The following FANCD2 variants were observed in gnomAD, a reference collection of about 807,000 sequenced individuals.
FANCD2 encodes the protein FA complementation group D2, also known as Fanconi anemia group D2 protein.
FANCD2 carries 131 observed loss-of-function variants against 192.3 expected under a neutral mutation model. That is an observed-to-expected ratio of 0.68 (90% CI 0.59 to 0.79). The LOEUF (loss-of-function observed/expected upper bound fraction) is 0.79. Ranked by LOEUF, FANCD2 falls within the 30% of genes least tolerant of loss-of-function variation. FANCD2 has a pLI of 0.00. For missense variants in FANCD2, 1,508 were observed against 1,701.6 expected (o/e 0.89, Z 2.00); for synonymous variants, 524 against 612.5 (o/e 0.86, Z 2.13).
Position 10,064,777 on chromosome 3 carries a change from C to T in FANCD2, c.2070C>T (p.Asp690=). ...VKALYGLEEY[D]TQDGIAINLL... The stretch of plus-strand genomic sequence containing the variant: ...CACTGTACGGACTGGAAGAATACGA[C>T]ACTCAGGATGGGATTGCCATAAACC... Residue 690 remains aspartate, a synonymous_variant, in exon 23 of 44, where the codon GAC becomes GAT. Coordinates refer to ENST00000675286, the MANE Select transcript of FANCD2 (RefSeq NM_001018115.3). The T allele has an allele frequency of 6.2e-7, 1 of 1,614,074 alleles. No individual in the cohort carries two copies. The highest frequency in any genetic ancestry group is 8.5e-7 in the Non-Finnish European group (1 of 1,179,894).
chr3:10,092,070 G>A, intron 37 of FANCD2, 111 bp from the exon 38 acceptor site: 1 of 846,676 alleles, frequency 1.2e-6, no homozygotes, highest in South Asian at 1.3e-5. Context: ...AAGGATAATT[G>A]GCTTAAATAT....
intron 30 of FANCD2, among the ~76,000 whole-genome samples, chr3:10,080,039 C>T (rs1166603014): frequency 1.3e-5 from 2 of 149,930 alleles, no homozygotes; most frequent in African/African-American, 2.5e-5. Context: ...CTCAGCCTCC[C>T]GAGGAGCTGG....
At chr3:10,091,075 GTTTTT>G (rs935283956) in intron 37 of FANCD2, among the ~76,000 whole-genome samples, 2 of 151,488 alleles carry the variant, frequency 1.3e-5, no homozygotes, top group African/African-American at 4.8e-5. Flanking sequence ...GCCAGTATAT[GTTTTT>G]TCTTTTTTTT....
intron 28 of FANCD2, 119 bp from the exon 29 acceptor site, chr3:10,074,411 T>C: frequency 1.1e-6 from 1 of 906,756 alleles, no homozygotes; most frequent in Non-Finnish European, 1.7e-6. Flanking sequence ...GTTGTTATTA[T>C]AATGAAAATG....
chr3:10,092,305 T>A, intron 38 of FANCD2, 53 bp downstream of exon 38: 1 of 1,373,488 alleles, frequency 7.3e-7, no homozygotes, highest in South Asian at 1.2e-5. Context: ...AGAAACCAAG[T>A]GTCCTGGCTT....
rs780547790 is a variant in FANCD2, at chr3:10,042,639, C to T, written c.864C>T (p.Ser288=). ...LPVIIKFILH[S]VTAMDTLEVI... ...TGATAATAAAGTTCATTCTTCATTC[C>T]GTAACAGCCATGGATACACTTGAGG... The change falls in exon 11 of 44, where the codon TCC becomes TCT. Residue 288 remains serine (S), a synonymous_variant. Coordinates refer to ENST00000675286, the MANE Select transcript of FANCD2 (RefSeq NM_001018115.3). 6.5e-5 allele frequency: 105 copies of T among 1,613,520 alleles called. No individual in the cohort carries two copies. The East Asian group carries it at 8.9e-4, about 14-fold the overall frequency.
At position 10,042,808 on chromosome 3, in the gene FANCD2, A is replaced by G. The variant is rs147907301; in HGVS notation, c.888+145A>G. Reference sequence around the variant, plus strand: ...AGCTATTCAACAGATTCATTGATCTATATAAGCTGCTATAAGTTACATTTA... The same window carrying G: ...AGCTATTCAACAGATTCATTGATCTGTATAAGCTGCTATAAGTTACATTTA... On this transcript the variant is annotated intron_variant, in intron 11 of 43. Transcript: ENST00000675286. The G allele has an allele frequency of 4.9e-5, 39 of 800,980 alleles. No homozygotes were observed. The African/African-American group carries it at 4.9e-4, about 10-fold the overall frequency. The allele number at this position is 800,980 out of a possible 1,614,324, so 49.6% of individuals were successfully genotyped here.
chr3:10,099,227 A>G, intron 43 of FANCD2: 1 of 1,345,378 alleles, frequency 7.4e-7, no homozygotes, highest in Non-Finnish European at 9.6e-7. Flanking sequence ...AAGCCAAAGC[A>G]CAGAGTCAGA....
Position 10,067,190 on chromosome 3 carries a change from T to A in FANCD2, c.2386-19T>A, listed in dbSNP as rs781626176. 6.9e-7 allele frequency: 1 copy of A among 1,443,572 alleles called. No individual in the cohort carries two copies. The highest frequency in any genetic ancestry group is 9.7e-7 in the Non-Finnish European group (1 of 1,026,506). The allele number at this position is 1,443,572 out of a possible 1,614,324, so 89.4% of individuals were successfully genotyped here. ...ATCTGAACATTTGGAAGTATGAGAA[T>A]GTAATTTGTACTTTGCAGATTGTAA... On this transcript the variant is annotated intron_variant, in intron 25 of 43. Transcript: ENST00000675286.
At position 10,081,518 on chromosome 3, in the gene FANCD2, C is replaced by A. The variant is rs1693834365; in HGVS notation, c.3224+54C>A. On this transcript the variant is annotated intron_variant, in intron 32 of 43. Coordinates refer to ENST00000675286, the MANE Select transcript of FANCD2 (RefSeq NM_001018115.3). ...TGAGTATATACTTGCTTTTATTTGA[C>A]AGTCACCAAGGCACTGAAATGTAGA... 4 of 1,195,768 alleles carry A rather than the reference C, an allele frequency of 3.3e-6. No individual in the cohort carries two copies. The South Asian group carries it at 4.8e-5, about 14-fold the overall frequency. 74.1% of individuals were successfully genotyped at this position (1,195,768 alleles called of 1,614,324 possible).
Position 10,032,916 on chromosome 3 carries a change from A to C in FANCD2, c.149A>C (p.Lys50Thr). 1 of 1,599,946 alleles carries C rather than the reference A, an allele frequency of 6.3e-7. No individual in the cohort carries two copies. The highest frequency in any genetic ancestry group is 1.3e-5 in the African/African-American group (1 of 74,726). Reference sequence around the variant, plus strand: ...GAAGAAAATGACAGCATCTTTGTAAAGCTTCTTAAGATATCAGGAATTATT... The same window carrying C: ...GAAGAAAATGACAGCATCTTTGTAACGCTTCTTAAGATATCAGGAATTATT... ...EVEENDSIFV[K>T]LLKISGIILK... The change falls in exon 3 of 44, where the codon AAG (lysine) becomes ACG (threonine). Residue 50 changes from lysine to threonine, a missense_variant. By Grantham distance (78) the Lys-to-Thr change is moderately conservative (BLOSUM62 -1). Around this residue, in one of 5 missense-constraint regions of FANCD2, gnomAD observed 435 missense variants for 421.9 expected, o/e 1.03. Coordinates refer to ENST00000675286, the MANE Select transcript of FANCD2 (RefSeq NM_001018115.3).
At chr3:10,060,738 G>A (rs722510) in intron 19 of FANCD2, among the ~76,000 whole-genome samples, 2 of 152,176 alleles carry the variant, frequency 1.3e-5, no homozygotes, top group Non-Finnish European at 2.9e-5. Flanking sequence ...AGACAATGCA[G>A]GTGTCTACAT....
intron 30 of FANCD2, among the ~76,000 whole-genome samples, chr3:10,080,107 G>GT (rs531100506): frequency 1.9e-3 from 295 of 152,114 alleles, no homozygotes; most frequent in South Asian, 6.0e-3. Flanking sequence ...TAAAGATGGG[G>GT]TTTCACCATG....
rs1395015255 is a variant in FANCD2 at position 10,054,464 on chromosome 3, TATATATATA to T, written c.1656+1968_1656+1976del. On this transcript the variant is annotated intron_variant, in intron 18 of 43. Coordinates refer to ENST00000675286, the MANE Select transcript of FANCD2 (RefSeq NM_001018115.3). ...GTATATACATATATATATATATATATATATATATATTTTTTTTTTTTTTTTTTTTTTTTT... is the reference window on the plus strand; with the variant it reads ...GTATATACATATATATATATATATATTTTTTTTTTTTTTTTTTTTTTTTTT... Among the ~76,000 whole-genome samples the T allele has an allele frequency of 1.7e-4, 5 of 29,228 alleles. No homozygotes were observed. In the East Asian group the frequency reaches 3.3e-3, roughly 19 times the overall value. The allele number at this position is 29,228 out of a possible 152,430, so 19.2% of individuals were successfully genotyped here. A position where few individuals can be genotyped will look rare whatever the true frequency, so the allele number is the denominator to read the frequency against.
intron 7 of FANCD2, chr3:10,037,476 C>G (rs573839534): frequency 1.3e-5 from 2 of 152,162 alleles, no homozygotes; most frequent in African/African-American, 4.8e-5. Flanking sequence ...TTTGCATACC[C>G]TTTAATCCTA....
chr3:10,051,306 A>C (rs1055811538), intron 17 of FANCD2, among the ~76,000 whole-genome samples: 5 of 143,000 alleles, frequency 3.5e-5, no homozygotes, highest in Non-Finnish European at 7.6e-5. Flanking sequence ...GCGTGAACCC[A>C]GGAGGCGGAG....
At chr3:10,061,345 C>T (rs1288420057) in intron 19 of FANCD2, among the ~76,000 whole-genome samples, 1 of 152,190 alleles carries the variant, frequency 6.6e-6, no homozygotes, top group East Asian at 1.9e-4. Flanking sequence ...CCACCCCAAC[C>T]GCCACCGGCT....
At chr3:10,046,241 G>T (rs1205750602) in intron 14 of FANCD2, among the ~76,000 whole-genome samples, 2 of 151,756 alleles carry the variant, frequency 1.3e-5, no homozygotes, top group Admixed American at 1.3e-4. Context: ...TTTTAGTAGA[G>T]ACGGGGTTTC....
chr3:10,043,104 C>T lies in FANCD2; in HGVS notation c.943C>T (p.Arg315Trp), dbSNP rs778865461. The T allele has an allele frequency of 3.2e-5, 52 of 1,613,914 alleles. 1 individual carries two copies. Among genetic ancestry groups the T allele is most frequent in the South Asian group, 1.6e-4 (15 of 91,080 alleles). ...TCTGCAGCATTGTGTTTTGCCATCA[C>T]GGTTACAGGCTTCCCAAGTAAAGTT... ...LDLQHCVLPS[R>W]LQASQVKLKS... The change falls in exon 12 of 44, where the codon CGG (arginine) becomes TGG (tryptophan). Residue 315 changes from arginine (R) to tryptophan (W), a missense_variant. Physicochemically the swap from Arg to Trp is moderately radical, Grantham distance 101 (BLOSUM62 -3). Around this residue, in one of 5 missense-constraint regions of FANCD2, gnomAD observed 435 missense variants for 421.9 expected, o/e 1.03. Coordinates refer to ENST00000675286, the MANE Select transcript of FANCD2 (RefSeq NM_001018115.3).
Sources: gnomAD v4.1 joint callset for allele counts (sites outside exome capture counted in the v4.1 genomes callset) on GRCh38, gnomAD v4.1.1 for gene constraint, gnomAD v4.1.1 regional missense constraint, MANE v1.5 for transcripts, NCBI Gene and HGNC (gene_info 2026-07-23, HGNC 2026-07-21) for gene names.